Variants in MAGI2 observed in about 807,000 individuals in gnomAD.
MAGI2 encodes membrane-associated guanylate kinase, WW and PDZ domain-containing protein 2.
MAGI2 carries 35 observed loss-of-function variants against 133.3 expected under a neutral mutation model. The ratio of observed to expected loss-of-function variants is 0.26; its 90% CI spans 0.20 to 0.35. The LOEUF is 0.35. Among genes scored for constraint, MAGI2 ranks in the 10% least tolerant of loss-of-function variants. The pLI is 1.00. For synonymous variants in MAGI2, 729 were observed against 710.6 expected (o/e 1.03, Z -0.41); for missense variants, 1,636 against 1,863.4 (o/e 0.88, Z 2.25).
chr7:78,965,694 A>T (rs117670731), intron 2 of MAGI2, among the ~76,000 whole-genome samples: 1 of 152,194 alleles, frequency 6.6e-6, no homozygotes, highest in Non-Finnish European at 1.5e-5. Flanking sequence ...ACTATGACGT[A>T]CAGAAATCAA....
intron 16 of MAGI2, among the ~76,000 whole-genome samples, chr7:78,155,125 A>G (rs971594182): frequency 1.2e-4 from 19 of 152,246 alleles, no homozygotes; most frequent in African/African-American, 4.6e-4. Context: ...CATTTTGCAT[A>G]TAAGTCTTTG....
rs557972988 is a variant in MAGI2, at chr7:78,550,170, T to C, written c.539-28525A>G. 1.5e-4 allele frequency among the ~76,000 whole-genome samples: 23 copies of C among 152,308 alleles called. No homozygotes were observed. In the South Asian group the frequency reaches 4.1e-3, roughly 27 times the overall value. Reference sequence around the variant, plus strand: ...AGCCTCCAGAACTTTCAGAAGCAAATTTCTGTTGTTTATAGGCCACTCAGT... The same window carrying C: ...AGCCTCCAGAACTTTCAGAAGCAAACTTCTGTTGTTTATAGGCCACTCAGT... On this transcript the variant is annotated intron_variant, in intron 3 of 21. Transcript: ENST00000354212.
chr7:78,842,848 A>G (rs998431078), intron 2 of MAGI2, among the ~76,000 whole-genome samples: 1 of 146,414 alleles, frequency 6.8e-6, no homozygotes, highest in Non-Finnish European at 1.5e-5. Context: ...TTTAATTAGT[A>G]CCAGCTGTAA....
At chr7:79,181,663 T>A (rs1268812027) in intron 1 of MAGI2, among the ~76,000 whole-genome samples, 1 of 152,030 alleles carries the variant, frequency 6.6e-6, no homozygotes, top group Admixed American at 6.5e-5. Context: ...TATGCAAATT[T>A]CTGTAGCCAG....
At chr7:78,519,190 A>T (rs1796291799) in intron 4 of MAGI2, 1 of 150,456 alleles carries the variant, frequency 6.6e-6, no homozygotes, top group African/African-American at 2.5e-5. Context: ...TGGGAAATGT[A>T]TATCAGAGGA....
At chr7:78,346,076 TG>T (rs1417937073) in intron 7 of MAGI2, 33 bp from the exon 8 acceptor site, 16 of 1,612,076 alleles carry the variant, frequency 9.9e-6, no homozygotes, top group Non-Finnish European at 1.4e-5. Flanking sequence ...AGGATAACCG[TG>T]GGGCAAAGTT....
intron 2 of MAGI2, among the ~76,000 whole-genome samples, chr7:78,741,971 C>T (rs1186939398): frequency 1.3e-5 from 2 of 151,692 alleles, no homozygotes; most frequent in Non-Finnish European, 2.9e-5. Context: ...TGATTACTGT[C>T]CTTTGATTAA....
chr7:78,279,131 T>C (rs1214539677), intron 9 of MAGI2, among the ~76,000 whole-genome samples: 1 of 152,164 alleles, frequency 6.6e-6, no homozygotes, highest in Non-Finnish European at 1.5e-5. Flanking sequence ...TTTACTTACT[T>C]GGTACAGCAC....
At chr7:79,335,297 T>C (rs897526260) in intron 1 of MAGI2, among the ~76,000 whole-genome samples, 3 of 152,128 alleles carry the variant, frequency 2.0e-5, no homozygotes, top group Non-Finnish European at 4.4e-5. Context: ...TTTACTTCTT[T>C]GCACAGTGCT....
At chr7:78,513,891 C>A (rs1795815026) in intron 4 of MAGI2, among the ~76,000 whole-genome samples, 1 of 151,888 alleles carries the variant, frequency 6.6e-6, no homozygotes, top group South Asian at 2.1e-4. Flanking sequence ...GAGTTGGAGA[C>A]CAGCCTGACC....
chr7:78,580,702 T>G (rs1456877565), intron 3 of MAGI2, among the ~76,000 whole-genome samples: 1 of 152,214 alleles, frequency 6.6e-6, no homozygotes, highest in East Asian at 1.9e-4. Flanking sequence ...AAGTGAATTC[T>G]GATGCCTACG....
At chr7:79,041,406 A>G (rs530092112) in intron 1 of MAGI2, among the ~76,000 whole-genome samples, 1 of 152,308 alleles carries the variant, frequency 6.6e-6, no homozygotes, top group Non-Finnish European at 1.5e-5. Flanking sequence ...AGCTCTAATT[A>G]TCTTTAATGT....
chr7:78,705,081 T>TG (rs1312568810), intron 2 of MAGI2, among the ~76,000 whole-genome samples: 1 of 151,966 alleles, frequency 6.6e-6, no homozygotes. Flanking sequence ...CTTTCCTTTT[T>TG]GGGGGAAGAA....
intron 20 of MAGI2, among the ~76,000 whole-genome samples, chr7:78,101,842 C>T (rs1818235140): frequency 6.6e-6 from 1 of 152,104 alleles, no homozygotes; most frequent in South Asian, 2.1e-4. Flanking sequence ...GCATATGATC[C>T]AGTAATCCTA....
At chr7:79,136,420 A>T (rs1821581330) in intron 1 of MAGI2, among the ~76,000 whole-genome samples, 2 of 152,180 alleles carry the variant, frequency 1.3e-5, no homozygotes, top group African/African-American at 4.8e-5. Context: ...AGACATGCAA[A>T]TCTGCAGTGA....
intron 2 of MAGI2, among the ~76,000 whole-genome samples, chr7:78,860,573 G>A (rs898149472): frequency 6.6e-6 from 1 of 152,120 alleles, no homozygotes; most frequent in Non-Finnish European, 1.5e-5. Context: ...ATTGCAGAAC[G>A]GCAGATGTTG....
intron 21 of MAGI2, among the ~76,000 whole-genome samples, chr7:78,046,296 G>A (rs1311974648): frequency 6.6e-6 from 1 of 151,848 alleles, no homozygotes; most frequent in African/African-American, 2.4e-5. Context: ...CAGCTACTCT[G>A]GAGGCTGAGG....
rs191660909 is a variant in MAGI2 at position 78,186,024 on chromosome 7, A to G, written c.2270-354T>C. On this transcript the variant is annotated intron_variant, in intron 12 of 21. Transcript: ENST00000354212. ...AGAACCTGAAAGGTATACAGAAAAT[A>G]TAGGTCCTTTAAAATTAGGTTATAA... Among the ~76,000 whole-genome samples, 3 of 152,304 alleles carry G rather than the reference A, an allele frequency of 2.0e-5. No homozygotes were observed. The East Asian group carries it at 5.8e-4, about 29-fold the overall frequency.
chr7:78,183,060 G>A (rs1827333087), intron 13 of MAGI2, among the ~76,000 whole-genome samples: 1 of 152,058 alleles, frequency 6.6e-6, no homozygotes, highest in South Asian at 2.1e-4. Flanking sequence ...TTATCACTTA[G>A]TTTCATAAAT....
Sources: allele counts gnomAD v4.1 joint callset (sites outside exome capture counted in the v4.1 genomes callset), GRCh38; gene constraint gnomAD v4.1.1; transcripts MANE v1.5; gene names NCBI Gene and HGNC (gene_info 2026-07-23, HGNC 2026-07-21).